The following SLC35D3 variants were observed in gnomAD, a reference collection of about 807,000 sequenced individuals.
SLC35D3 encodes frc, fringe-like 1.
A neutral mutation model predicts 20.3 loss-of-function variants in SLC35D3; 18 were observed. The observed-to-expected ratio is 0.89, with a 90% confidence interval of 0.61 to 1.32. SLC35D3 has a LOEUF of 1.32. SLC35D3 is among the 40% of genes most tolerant of loss of function. SLC35D3 has a pLI of 0.00. For synonymous variants in SLC35D3, 313 were observed against 263.5 expected, an observed-to-expected ratio of 1.19 and a Z score of -1.82; for missense variants, 556 against 565.5, an observed-to-expected ratio of 0.98 and a Z score of 0.17.
In SLC35D3 at chr6:136,922,367, C is replaced by G. The variant is rs968389370; in HGVS notation, c.-62C>G. On this transcript the variant is annotated 5_prime_UTR_variant, in exon 1 of 2. Transcript: ENST00000331858. This position sits in a 1 kb window ranked among gnomAD's most constrained non-coding sequence, Gnocchi z 6.8. ...CCCCCGCCGCCCTCACTCCGCTGCT[C>G]CCGGCTCCTCGCGCGCAGGTCGCGG... 3 of 1,362,944 alleles carry G rather than the reference C, an allele frequency of 2.2e-6. No individual in the cohort carries two copies. In the East Asian group the frequency reaches 9.3e-5, roughly 42 times the overall value. The allele number at this position is 1,362,944 out of a possible 1,614,324, so 84.4% of individuals were successfully genotyped here. A position where few individuals can be genotyped will look rare whatever the true frequency, so the allele number is the denominator to read the frequency against.
Position 136,922,531 on chromosome 6 carries a change from C to A in SLC35D3, c.103C>A (p.Arg35Ser). ...CATCTTGCTCAAGTTCCTCATCAGC[C>A]GCTACCAGTTCTCCTTCCTGACCCT... ...LNILLKFLISRYQFSFLTLVQ... is the reference protein window; with the variant it reads ...LNILLKFLISSYQFSFLTLVQ... The change falls in exon 1 of 2, where the codon CGC becomes AGC. Residue 35 changes from arginine (R) to serine (S), a missense_variant. Arg to Ser is a moderately radical substitution (Grantham distance 110). Transcript: ENST00000331858. The surrounding 1 kb of genome is among the most constrained non-coding windows in gnomAD (Gnocchi z 6.8). 1 of 1,612,516 alleles carries A rather than the reference C, an allele frequency of 6.2e-7. No individual in the cohort carries two copies.
Position 136,924,801 on chromosome 6 carries a change from A to G in SLC35D3, c.*105A>G, listed in dbSNP as rs1311685727. On this transcript the variant is annotated 3_prime_UTR_variant, in exon 2 of 2. Coordinates refer to ENST00000331858, the MANE Select transcript of SLC35D3 (RefSeq NM_001008783.3). Reference sequence around the variant, plus strand: ...CCGTTTTATTCTTTGAGGAGTGGGGAAGGGAAGAAAAGAAAGAAGCTGAAA... The same window carrying G: ...CCGTTTTATTCTTTGAGGAGTGGGGGAGGGAAGAAAAGAAAGAAGCTGAAA... 2 of 1,156,738 alleles carry G rather than the reference A, an allele frequency of 1.7e-6. No homozygotes were observed. Among genetic ancestry groups the G allele is most frequent in the Non-Finnish European group, 2.4e-6 (2 of 845,950 alleles). 71.7% of individuals were successfully genotyped at this position (1,156,738 alleles called of 1,614,324 possible). A position where few individuals can be genotyped will look rare whatever the true frequency, so the allele number is the denominator to read the frequency against.
In SLC35D3 at chr6:136,922,618, C is replaced by T. The variant is rs749967445; in HGVS notation, c.190C>T (p.Leu64Phe). The T allele has an allele frequency of 1.2e-6, 2 of 1,611,044 alleles. No individual in the cohort carries two copies. Among genetic ancestry groups the T allele is most frequent in the Non-Finnish European group, 1.7e-6 (2 of 1,179,648 alleles). ...LSLELLRRLG[L>F]IAVPPFGLSL... ...CCTGGAGCTGCTGCGGCGCCTCGGG[C>T]TCATCGCCGTGCCCCCCTTCGGTCT... is the stretch of plus-strand genomic sequence containing the variant. The change falls in exon 1 of 2, where the codon CTC (leucine) becomes TTC (phenylalanine). Residue 64 changes from leucine (L) to phenylalanine (F), a missense_variant. By Grantham distance (22) the Leu-to-Phe change is conservative. Coordinates refer to ENST00000331858, the MANE Select transcript of SLC35D3 (RefSeq NM_001008783.3). The surrounding 1 kb of genome is among the most constrained non-coding windows in gnomAD (Gnocchi z 6.8).
In SLC35D3 at chr6:136,922,880, C is replaced by T. The variant is rs2115307721; in HGVS notation, c.439+13C>T. ...GCCGCCCTGGCAGGTGAGCGGGCCC[C>T]CGCGCCGACCCCCAGCCGACCCCAC... On this transcript the variant is annotated intron_variant, in intron 1 of 1. Coordinates refer to ENST00000331858, the MANE Select transcript of SLC35D3 (RefSeq NM_001008783.3). This position sits in a 1 kb window ranked among gnomAD's most constrained non-coding sequence, Gnocchi z 6.8. 3 of 1,515,800 alleles carry T rather than the reference C, an allele frequency of 2.0e-6. No individual in the cohort carries two copies. The highest frequency in any genetic ancestry group is 2.6e-6 in the Non-Finnish European group (3 of 1,137,864). 93.9% of individuals were successfully genotyped at this position (1,515,800 alleles called of 1,614,324 possible).
rs763521579 is a variant in SLC35D3 at position 136,924,391 on chromosome 6, G to A, written c.946G>A (p.Ala316Thr). The A allele has an allele frequency of 3.3e-5, 53 of 1,614,062 alleles. No homozygotes were observed. The African/African-American group carries it at 5.6e-4, about 17-fold the overall frequency. The change falls in exon 2 of 2, where the codon GCC becomes ACC. Residue 316 changes from alanine (A) to threonine (T), a missense_variant. Coordinates refer to ENST00000331858, the MANE Select transcript of SLC35D3 (RefSeq NM_001008783.3). ...RKQSNYEDLEAQPRGEEAQLS... is the reference protein window; with the variant it reads ...RKQSNYEDLETQPRGEEAQLS... ...GCAAAGCAACTACGAGGACCTGGAG[G>A]CCCAGCCTCGGGGAGAGGAGGCGCA...
Position 136,924,315 on chromosome 6 carries a change from C to T in SLC35D3, c.870C>T (p.Asn290=). 1 of 1,614,140 alleles carries T rather than the reference C, an allele frequency of 6.2e-7. No individual in the cohort carries two copies. The highest frequency in any genetic ancestry group is 1.3e-5 in the African/African-American group (1 of 75,052). The part of the protein sequence containing the change: ...TSLFIAGVVV[N]TLGSIIYCVA... The stretch of plus-strand genomic sequence containing the variant: ...TGTTCATTGCCGGCGTGGTGGTGAA[C>T]ACCCTGGGCTCTATCATTTACTGTG... Residue 290 remains asparagine, a synonymous_variant, in exon 2 of 2, where the codon AAC becomes AAT. Transcript: ENST00000331858.
In SLC35D3 at chr6:136,922,906, C is replaced by A; in HGVS notation, c.439+39C>A. 1 of 1,480,834 alleles carries A rather than the reference C, an allele frequency of 6.8e-7. No homozygotes were observed. The highest frequency in any genetic ancestry group is 1.4e-5 in the South Asian group (1 of 73,214). 91.7% of individuals were successfully genotyped at this position (1,480,834 alleles called of 1,614,324 possible). ...CGCGCCGACCCCCAGCCGACCCCAC[C>A]CACCCCGCTCCGTCGGGCAGAGACC... On this transcript the variant is annotated intron_variant, in intron 1 of 1. Coordinates refer to ENST00000331858, the MANE Select transcript of SLC35D3 (RefSeq NM_001008783.3). The surrounding 1 kb of genome is among the most constrained non-coding windows in gnomAD (Gnocchi z 6.8).
In SLC35D3 at chr6:136,924,628, T is replaced by C. The variant is rs769361386; in HGVS notation, c.1183T>C (p.Leu395=). Residue 395 remains leucine, a synonymous_variant, in exon 2 of 2, where the codon TTG becomes CTG. Coordinates refer to ENST00000331858, the MANE Select transcript of SLC35D3 (RefSeq NM_001008783.3). ...AGATGCTTACCTCGAGGTATGGAGG[T>C]TGGTTAGGGGAACCAGGTATATGAA... ...LKDAYLEVWR[L]VRGTRYMKKD... is the part of the protein sequence containing the mutation. 1.2e-6 allele frequency: 2 copies of C among 1,614,030 alleles called. No homozygotes were observed. The highest frequency in any genetic ancestry group is 1.7e-6 in the Non-Finnish European group (2 of 1,180,000).
In SLC35D3 at chr6:136,922,350, G is replaced by T. The variant is rs985921491; in HGVS notation, c.-79G>T. 4.1e-6 allele frequency: 5 copies of T among 1,215,596 alleles called. No individual in the cohort carries two copies. The Admixed American group carries it at 1.8e-4, about 43-fold the overall frequency. 75.3% of individuals were successfully genotyped at this position (1,215,596 alleles called of 1,614,324 possible). A position where few individuals can be genotyped will look rare whatever the true frequency, so the allele number is the denominator to read the frequency against. On this transcript the variant is annotated 5_prime_UTR_variant, in exon 1 of 2. Coordinates refer to ENST00000331858, the MANE Select transcript of SLC35D3 (RefSeq NM_001008783.3). This position sits in a 1 kb window ranked among gnomAD's most constrained non-coding sequence, Gnocchi z 6.8. ...GCCGCGCTGGGCGGGCGCCCCCGCCGCCCTCACTCCGCTGCTCCCGGCTCC... is the reference window on the plus strand; with the variant it reads ...GCCGCGCTGGGCGGGCGCCCCCGCCTCCCTCACTCCGCTGCTCCCGGCTCC...
rs1160266722 is a variant in SLC35D3 at position 136,925,544 on chromosome 6, C to G, written c.*848C>G. Reference sequence around the variant, plus strand: ...GTCCTTTCAAGTTTCACTGCACATCCCAAACCATGTTACAAAAAGAGCAAC... The same window carrying G: ...GTCCTTTCAAGTTTCACTGCACATCGCAAACCATGTTACAAAAAGAGCAAC... On this transcript the variant is annotated 3_prime_UTR_variant, in exon 2 of 2. Coordinates refer to ENST00000331858, the MANE Select transcript of SLC35D3 (RefSeq NM_001008783.3). 2 of 152,162 alleles carry G rather than the reference C, an allele frequency of 1.3e-5. No homozygotes were observed. Among genetic ancestry groups the G allele is most frequent in the Non-Finnish European group, 2.9e-5 (2 of 68,032 alleles). The allele number at this position is 152,162 out of a possible 1,614,324, so 9.4% of individuals were successfully genotyped here.
Position 136,922,952 on chromosome 6 carries a change from C to G in SLC35D3, c.439+85C>G. 7.5e-7 allele frequency: 1 copy of G among 1,340,888 alleles called. No individual in the cohort carries two copies. The highest frequency in any genetic ancestry group is 9.9e-7 in the Non-Finnish European group (1 of 1,011,226). 83.1% of individuals were successfully genotyped at this position (1,340,888 alleles called of 1,614,324 possible). On this transcript the variant is annotated intron_variant, in intron 1 of 1. Coordinates refer to ENST00000331858, the MANE Select transcript of SLC35D3 (RefSeq NM_001008783.3). This position sits in a 1 kb window ranked among gnomAD's most constrained non-coding sequence, Gnocchi z 6.8. ...AGACCGCGGGGATCACTGAGTTCAA[C>G]GACCTCACTTCCAGATGGGGAGACT...
chr6:136,924,507 C>T lies in SLC35D3; in HGVS notation c.1062C>T (p.Gly354=), dbSNP rs771784225. Residue 354 remains glycine (G), a synonymous_variant, in exon 2 of 2, where the codon GGC becomes GGT. Coordinates refer to ENST00000331858, the MANE Select transcript of SLC35D3 (RefSeq NM_001008783.3). ...GRSEGGEAAG[G]PAQESRQEVR... is the part of the protein sequence containing the mutation. ...CAGAAGGTGGGGAGGCAGCAGGTGG[C>T]CCCGCTCAGGAGAGCAGGCAAGAGG... 3 of 1,613,130 alleles carry T rather than the reference C, an allele frequency of 1.9e-6. No individual in the cohort carries two copies. Among genetic ancestry groups the T allele is most frequent in the African/African-American group, 2.7e-5 (2 of 74,898 alleles).
In SLC35D3 at chr6:136,922,889, C is replaced by T. The variant is rs1439259654; in HGVS notation, c.439+22C>T. The T allele has an allele frequency of 6.6e-7, 1 of 1,505,614 alleles. No individual in the cohort carries two copies. Among genetic ancestry groups the T allele is most frequent in the South Asian group, 1.3e-5 (1 of 77,364 alleles). The allele number at this position is 1,505,614 out of a possible 1,614,324, so 93.3% of individuals were successfully genotyped here. The stretch of plus-strand genomic sequence containing the variant: ...GCAGGTGAGCGGGCCCCCGCGCCGA[C>T]CCCCAGCCGACCCCACCCACCCCGC... On this transcript the variant is annotated intron_variant, in intron 1 of 1. Coordinates refer to ENST00000331858, the MANE Select transcript of SLC35D3 (RefSeq NM_001008783.3). The surrounding 1 kb of genome is among the most constrained non-coding windows in gnomAD (Gnocchi z 6.8).
At position 136,923,895 on chromosome 6, in the gene SLC35D3, C is replaced by A; in HGVS notation, c.450C>A (p.Asp150Glu). The part of the protein sequence containing the change: ...TCGAALAGAG[D>E]LTGDPIGYVT... ...CCTCGTGCGCCGCAGGAGCCGGCGA[C>A]CTGACGGGCGACCCCATCGGGTACG... Residue 150 changes from aspartate to glutamate, a missense_variant, in exon 2 of 2, where the codon GAC becomes GAA. Coordinates refer to ENST00000331858, the MANE Select transcript of SLC35D3 (RefSeq NM_001008783.3). This position sits in a 1 kb window ranked among gnomAD's most constrained non-coding sequence, Gnocchi z 6.2. 1 of 1,513,866 alleles carries A rather than the reference C, an allele frequency of 6.6e-7. No individual in the cohort carries two copies. The allele number at this position is 1,513,866 out of a possible 1,614,324, so 93.8% of individuals were successfully genotyped here.
At position 136,922,641 on chromosome 6, in the gene SLC35D3, T is replaced by C; in HGVS notation, c.213T>C (p.Gly71=). 1 of 1,609,530 alleles carries C rather than the reference T, an allele frequency of 6.2e-7. No homozygotes were observed. Residue 71 remains glycine, a synonymous_variant, in exon 1 of 2, where the codon GGT becomes GGC. Coordinates refer to ENST00000331858, the MANE Select transcript of SLC35D3 (RefSeq NM_001008783.3). This position sits in a 1 kb window ranked among gnomAD's most constrained non-coding sequence, Gnocchi z 6.8. ...RLGLIAVPPF[G]LSLARSFAGV... The stretch of plus-strand genomic sequence containing the variant: ...GGCTCATCGCCGTGCCCCCCTTCGG[T>C]CTGAGCCTGGCGCGCTCCTTCGCGG...
At position 136,924,620 on chromosome 6, in the gene SLC35D3, T is replaced by C. The variant is rs1347450061; in HGVS notation, c.1175T>C (p.Val392Ala). 2.5e-6 allele frequency: 4 copies of C among 1,613,568 alleles called. No homozygotes were observed. Among genetic ancestry groups the C allele is most frequent in the African/African-American group, 1.3e-5 (1 of 74,752 alleles). The change falls in exon 2 of 2, where the codon GTA becomes GCA. Residue 392 changes from valine to alanine, a missense_variant. Coordinates refer to ENST00000331858, the MANE Select transcript of SLC35D3 (RefSeq NM_001008783.3). The stretch of plus-strand genomic sequence containing the variant: ...TCGTTAAAAGATGCTTACCTCGAGG[T>C]ATGGAGGTTGGTTAGGGGAACCAGG... The part of the protein sequence containing the change: ...RRSLKDAYLE[V>A]WRLVRGTRYM...
Position 136,924,820 on chromosome 6 carries a change from G to A in SLC35D3, c.*124G>A. 9.6e-7 allele frequency: 1 copy of A among 1,036,390 alleles called. No individual in the cohort carries two copies. The highest frequency in any genetic ancestry group is 1.4e-6 in the Non-Finnish European group (1 of 738,224). The allele number at this position is 1,036,390 out of a possible 1,614,324, so 64.2% of individuals were successfully genotyped here. On this transcript the variant is annotated 3_prime_UTR_variant, in exon 2 of 2. Transcript: ENST00000331858. ...GTGGGGAAGGGAAGAAAAGAAAGAA[G>A]CTGAAAGGTACTGACACAGAGCAAC...
At position 136,924,921 on chromosome 6, in the gene SLC35D3, T is replaced by G. The variant is rs1776114115; in HGVS notation, c.*225T>G. On this transcript the variant is annotated 3_prime_UTR_variant, in exon 2 of 2. Transcript: ENST00000331858. ...CAGAGACAAAAGAATGTGAAGCTAC[T>G]TAACAAAGTAAGGCAACGTTTCTGC... is the stretch of plus-strand genomic sequence containing the variant. 2.1e-6 allele frequency: 1 copy of G among 467,602 alleles called. No homozygotes were observed. The highest frequency in any genetic ancestry group is 3.7e-6 in the Non-Finnish European group (1 of 269,712). 29.0% of individuals were successfully genotyped at this position (467,602 alleles called of 1,614,324 possible). A position where few individuals can be genotyped will look rare whatever the true frequency, so the allele number is the denominator to read the frequency against.
Position 136,924,418 on chromosome 6 carries a change from C to T in SLC35D3, c.973C>T (p.Leu325=), listed in dbSNP as rs578006869. The T allele has an allele frequency of 5.6e-6, 9 of 1,613,928 alleles. No homozygotes were observed. Among genetic ancestry groups the T allele is most frequent in the Non-Finnish European group, 6.8e-6 (8 of 1,179,918 alleles). Residue 325 remains leucine, a synonymous_variant, in exon 2 of 2, where the codon CTA becomes TTA. Transcript: ENST00000331858. ...EAQPRGEEAQ[L]SGDQLPFVME... is the part of the protein sequence containing the mutation. ...CCAGCCTCGGGGAGAGGAGGCGCAG[C>T]TAAGTGGAGACCAGCTGCCGTTCGT...
Sources: allele counts gnomAD v4.1 joint callset, GRCh38; gene constraint gnomAD v4.1.1; non-coding constraint Gnocchi (gnomAD v3.1); transcripts MANE v1.5; gene names NCBI Gene and HGNC (gene_info 2026-07-23, HGNC 2026-07-21).